The following HPSE2 variants were observed in gnomAD, a reference collection of about 807,000 sequenced individuals.
HPSE2 encodes the protein heparanase 2 (inactive), also known as inactive heparanase-2.
A neutral mutation model predicts 60.5 loss-of-function variants in HPSE2; 38 were observed. That is an observed-to-expected ratio of 0.63 (90% CI 0.48 to 0.82). The LOEUF is 0.82. HPSE2 is among the 40% of genes least tolerant of loss of function. The pLI, the probability that HPSE2 is intolerant of heterozygous loss-of-function variation, is 0.00. For synonymous variants in HPSE2, 295 were observed against 293.2 expected (o/e 1.01, Z -0.06); for missense variants, 713 against 740.4 (o/e 0.96, Z 0.43).
chr10:99,086,342 CTTTCTT>C (rs1250242856), intron 3 of HPSE2, among the ~76,000 whole-genome samples: 2 of 125,864 alleles, frequency 1.6e-5, no homozygotes, highest in African/African-American at 2.8e-5. Context: ...CGGAAAAGTA[CTTTCTT>C]TTTTTTTTTT....
intron 9 of HPSE2, among the ~76,000 whole-genome samples, chr10:98,510,354 C>T (rs1942348693): frequency 6.6e-6 from 1 of 152,180 alleles, no homozygotes; most frequent in African/African-American, 2.4e-5. Flanking sequence ...GCACCCCTTT[C>T]TAGACCATGC....
the HPSE2 span, among the ~76,000 whole-genome samples, chr10:99,298,188 C>T: frequency 1.3e-5 from 2 of 152,190 alleles, no homozygotes; most frequent in South Asian, 2.1e-4. Flanking sequence ...GCTGTCTACC[C>T]TTCCCTTCCT....
At chr10:99,269,424 G>T in the HPSE2 span, among the ~76,000 whole-genome samples, 1 of 152,162 alleles carries the variant, frequency 6.6e-6, no homozygotes, top group African/African-American at 2.4e-5. Flanking sequence ...ATATATATAT[G>T]TAACTAACAC....
chr10:98,539,914 T>C (rs1208959227), intron 9 of HPSE2, among the ~76,000 whole-genome samples: 1 of 152,232 alleles, frequency 6.6e-6, no homozygotes, highest in Non-Finnish European at 1.5e-5. Context: ...TTCAACAGTC[T>C]TTCTTCATCT....
intron 5 of HPSE2, among the ~76,000 whole-genome samples, chr10:98,707,375 A>G (rs1440364647): frequency 6.6e-6 from 1 of 152,210 alleles, no homozygotes; most frequent in African/African-American, 2.4e-5. Context: ...CTGGACAGGC[A>G]ATTCAGAACA....
At chr10:99,253,365 C>T in the HPSE2 span, among the ~76,000 whole-genome samples, 1 of 151,972 alleles carries the variant, frequency 6.6e-6, no homozygotes, top group Non-Finnish European at 1.5e-5. Context: ...ACAAAGTTAA[C>T]AACAACAAAA....
At chr10:98,678,493 G>T (rs974700799) in intron 6 of HPSE2, among the ~76,000 whole-genome samples, 3 of 152,114 alleles carry the variant, frequency 2.0e-5, no homozygotes, top group African/African-American at 7.2e-5. Context: ...AGGTGATGCT[G>T]ATCTAGAAAC....
In HPSE2 at chr10:98,693,946, A is replaced by C. The variant is rs777076888; in HGVS notation, c.958T>G (p.Phe320Val). Reference protein sequence around the residue: ...RKNVIALLDGFMKVAGSTVDA... With the variant: ...RKNVIALLDGVMKVAGSTVDA... ...ACTGTACTTCCTGCCACCTTCATGA[A>C]TCTGTAAGGAATAGAAAGAAAAAAG... The change falls in exon 6 of 12, where the codon TTC (phenylalanine) becomes GTC (valine). Residue 320 changes from phenylalanine to valine, a missense_variant and splice_region_variant. Transcript: ENST00000370552. 1 of 1,610,870 alleles carries C rather than the reference A, an allele frequency of 6.2e-7. No homozygotes were observed. The highest frequency in any genetic ancestry group is 8.5e-7 in the Non-Finnish European group (1 of 1,177,092).
intron 3 of HPSE2, among the ~76,000 whole-genome samples, chr10:99,086,595 G>A (rs946356397): frequency 5.3e-5 from 8 of 151,602 alleles, no homozygotes; most frequent in Middle Eastern, 3.4e-3. Context: ...CTCGTGATCC[G>A]CCCGCCTCGG....
chr10:99,167,718 AGTGTGTGT>A (rs916796957), intron 2 of HPSE2, among the ~76,000 whole-genome samples: 1 of 151,862 alleles, frequency 6.6e-6, no homozygotes, highest in African/African-American at 2.4e-5. Flanking sequence ...TATTCTAGTT[AGTGTGTGT>A]GTGTGTATTC....
At chr10:98,847,233 T>C (rs933522494) in intron 3 of HPSE2, among the ~76,000 whole-genome samples, 1 of 152,228 alleles carries the variant, frequency 6.6e-6, no homozygotes, top group African/African-American at 2.4e-5. Flanking sequence ...AGATGGCTCA[T>C]ACTGCCTCTC....
At chr10:98,999,156 C>CGCGTGT (rs1554861476) in intron 3 of HPSE2, among the ~76,000 whole-genome samples, 19 of 137,682 alleles carry the variant, frequency 1.4e-4, no homozygotes, top group African/African-American at 4.2e-4. Context: ...GTATAGACTA[C>CGCGTGT]GTGTGTGTGT....
intron 9 of HPSE2, among the ~76,000 whole-genome samples, chr10:98,561,786 T>G (rs1242973764): frequency 6.6e-6 from 1 of 152,200 alleles, no homozygotes; most frequent in African/African-American, 2.4e-5. Flanking sequence ...AGGCGGAGTT[T>G]GCAGCGAGCT....
intron 3 of HPSE2, among the ~76,000 whole-genome samples, chr10:98,853,117 T>C (rs1427366566): frequency 6.6e-6 from 1 of 152,238 alleles, no homozygotes; most frequent in Non-Finnish European, 1.5e-5. Context: ...TAAATATCTT[T>C]GTCATTAATC....
chr10:98,636,247 G>GT (rs1214266757), intron 7 of HPSE2, among the ~76,000 whole-genome samples: 34 of 131,734 alleles, frequency 2.6e-4, no homozygotes, highest in African/African-American at 7.3e-4. Context: ...TTTTTTTTTT[G>GT]TTTTTTTTTT....
At position 99,086,007 on chromosome 10, in the gene HPSE2, A is replaced by G. The variant is rs1240081971; in HGVS notation, c.610+58231T>C. 4.6e-5 allele frequency among the ~76,000 whole-genome samples: 7 copies of G among 152,318 alleles called. No individual in the cohort carries two copies. In the East Asian group the frequency reaches 1.4e-3, roughly 29 times the overall value. On this transcript the variant is annotated intron_variant, in intron 3 of 11. Coordinates refer to ENST00000370552, the MANE Select transcript of HPSE2 (RefSeq NM_021828.5). The stretch of plus-strand genomic sequence containing the variant: ...AAAATCATATTCATTTCCAAAGTAC[A>G]CCACAGATGATCAGTGCTACTTAAG...
intron 3 of HPSE2, among the ~76,000 whole-genome samples, chr10:98,994,685 G>T (rs1294138988): frequency 6.6e-6 from 1 of 152,112 alleles, no homozygotes; most frequent in Non-Finnish European, 1.5e-5. Flanking sequence ...GAATTCTCAG[G>T]TCCCTTGGTG....
chr10:98,549,592 C>T (rs1197518320), intron 9 of HPSE2, among the ~76,000 whole-genome samples: 6 of 152,156 alleles, frequency 3.9e-5, no homozygotes, highest in Non-Finnish European at 7.3e-5. Flanking sequence ...AGCCCTTGCC[C>T]CTTTCAAAAT....
intron 3 of HPSE2, among the ~76,000 whole-genome samples, chr10:98,813,534 A>T (rs1247732397): frequency 2.0e-5 from 3 of 152,186 alleles, no homozygotes; most frequent in Non-Finnish European, 4.4e-5. Context: ...CCTGCCCACA[A>T]AGGTCAGATA....
Sources: gnomAD v4.1 joint callset for allele counts (sites outside exome capture counted in the v4.1 genomes callset) on GRCh38, gnomAD v4.1.1 for gene constraint, MANE v1.5 for transcripts, NCBI Gene and HGNC (gene_info 2026-07-23, HGNC 2026-07-21) for gene names.